The following CHN1 variants were observed in gnomAD, a reference collection of about 807,000 sequenced individuals.
CHN1 encodes the protein N-chimaerin.
A neutral mutation model predicts 59.5 loss-of-function variants in CHN1; 37 were observed. The observed-to-expected ratio is 0.62, with a 90% confidence interval of 0.48 to 0.82. CHN1 has a LOEUF of 0.82. Among genes scored for constraint, CHN1 ranks in the 40% least tolerant of loss-of-function variants. The pLI, the probability that CHN1 is intolerant of heterozygous loss-of-function variation, is 0.00. For synonymous variants in CHN1, 206 were observed against 200.4 expected (o/e 1.03, Z -0.24); for missense variants, 469 against 571.0 (o/e 0.82, Z 1.82).
chr2:174,891,840 AGTT>A (rs1688063173), intron 5 of CHN1, among the ~76,000 whole-genome samples: 1 of 152,138 alleles, frequency 6.6e-6, no homozygotes, highest in African/African-American at 2.4e-5. Context: ...ACTATGAGTT[AGTT>A]TTTTAAAAAG....
chr2:174,883,817 T>C (rs948968183), intron 5 of CHN1, among the ~76,000 whole-genome samples: 1 of 150,802 alleles, frequency 6.6e-6, no homozygotes, highest in African/African-American at 2.4e-5. Context: ...ATATAGAATA[T>C]ATAGAAAAAT....
chr2:174,839,913 T>C (rs1333188386), intron 7 of CHN1, among the ~76,000 whole-genome samples: 2 of 151,986 alleles, frequency 1.3e-5, no homozygotes, highest in African/African-American at 4.8e-5. Context: ...CTTACTTAAA[T>C]ATTTAAGAGG....
chr2:174,828,997 A>G (rs1685783519), intron 7 of CHN1, among the ~76,000 whole-genome samples: 2 of 152,188 alleles, frequency 1.3e-5, no homozygotes, highest in African/African-American at 4.8e-5. Flanking sequence ...TGGGCCACAG[A>G]TATTTTTTCT....
At chr2:174,896,678 A>G (rs1035212915) in intron 5 of CHN1, among the ~76,000 whole-genome samples, 2 of 152,110 alleles carry the variant, frequency 1.3e-5, no homozygotes, top group Non-Finnish European at 2.9e-5. Flanking sequence ...CATTTTGTAT[A>G]TATCATATTC....
At chr2:174,989,313 T>G (rs1016143196) in intron 1 of CHN1, among the ~76,000 whole-genome samples, 1 of 151,518 alleles carries the variant, frequency 6.6e-6, no homozygotes, top group African/African-American at 2.4e-5. Context: ...AAGGCGGAGG[T>G]TGCAGTGAGC....
chr2:174,946,491 G>A (rs1005634046), intron 2 of CHN1, among the ~76,000 whole-genome samples: 9 of 151,980 alleles, frequency 5.9e-5, no homozygotes, highest in African/African-American at 2.2e-4. Flanking sequence ...TTTTTCTCCT[G>A]ATGGCAAAAA....
At chr2:174,875,905 T>A (rs1005659016) in intron 6 of CHN1, 19 of 814,838 alleles carry the variant, frequency 2.3e-5, no homozygotes, top group Non-Finnish European at 2.8e-5. Context: ...GAGTAGATTT[T>A]AAGCCAGCTA....
At chr2:174,834,348 T>C (rs1685994579) in intron 7 of CHN1, among the ~76,000 whole-genome samples, 1 of 152,232 alleles carries the variant, frequency 6.6e-6, no homozygotes, top group Admixed American at 6.5e-5. Context: ...TGCTTACTAT[T>C]ACTTCTAGTG....
At position 174,867,365 on chromosome 2, in the gene CHN1, C is replaced by T. The variant is rs1014659145; in HGVS notation, c.549+10475G>A. ...CTGCACTCCCGCACAGGTGACAGAG[C>T]GAGACTCTGTCTCAAAAAAAAAAAA... is the stretch of plus-strand genomic sequence containing the variant. On this transcript the variant is annotated intron_variant, in intron 6 of 12. Coordinates refer to ENST00000409900, the MANE Select transcript of CHN1 (RefSeq NM_001822.7). Among the ~76,000 whole-genome samples the T allele has an allele frequency of 2.8e-4, 41 of 148,508 alleles. 2 individuals carry two copies. Among genetic ancestry groups the T allele is most frequent in the African/African-American group, 1.2e-4 (5 of 40,072 alleles).
At chr2:174,811,868 C>A (rs780205114) in intron 9 of CHN1, among the ~76,000 whole-genome samples, 2 of 152,240 alleles carry the variant, frequency 1.3e-5, no homozygotes, top group South Asian at 2.1e-4. Context: ...ATCATAAATT[C>A]TTTTACATAA....
At chr2:174,965,830 C>T (rs185562258) in intron 1 of CHN1, among the ~76,000 whole-genome samples, 9 of 152,256 alleles carry the variant, frequency 5.9e-5, no homozygotes, top group Admixed American at 2.0e-4. Flanking sequence ...TAATGACATG[C>T]TTAAACTCTT....
intron 2 of CHN1, among the ~76,000 whole-genome samples, chr2:174,949,147 T>C (rs748988817): frequency 6.6e-6 from 1 of 152,166 alleles, no homozygotes; most frequent in Non-Finnish European, 1.5e-5. Flanking sequence ...GTACAATTAA[T>C]AAACATCTTA....
chr2:174,854,130 C>T (rs1299553881), intron 6 of CHN1, among the ~76,000 whole-genome samples: 3 of 152,038 alleles, frequency 2.0e-5, no homozygotes, highest in African/African-American at 7.2e-5. Context: ...ATTTTCATAG[C>T]AGATCTTTGC....
At position 174,799,908 on chromosome 2, in the gene CHN1, C is replaced by T. The variant is rs1458410222; in HGVS notation, c.*208G>A. The T allele has an allele frequency of 3.0e-6, 2 of 658,954 alleles. No homozygotes were observed. Among genetic ancestry groups the T allele is most frequent in the Admixed American group, 2.1e-5 (1 of 48,602 alleles). 40.8% of individuals were successfully genotyped at this position (658,954 alleles called of 1,614,324 possible). On this transcript the variant is annotated 3_prime_UTR_variant, in exon 13 of 13. Coordinates refer to ENST00000409900, the MANE Select transcript of CHN1 (RefSeq NM_001822.7). ...GAGTTTCTCTGAACGTGATAAACAC[C>T]CAGGATTACTAGAACCAGAAAGCGT...
chr2:174,911,536 T>C (rs1048517074), intron 5 of CHN1, among the ~76,000 whole-genome samples: 1 of 152,116 alleles, frequency 6.6e-6, no homozygotes, highest in Non-Finnish European at 1.5e-5. Flanking sequence ...GGAGCATAGG[T>C]AGAAAAGCCA....
chr2:174,848,615 G>A (rs1189503029), intron 6 of CHN1, among the ~76,000 whole-genome samples: 1 of 152,084 alleles, frequency 6.6e-6, no homozygotes, highest in African/African-American at 2.4e-5. Context: ...TAATCTACAG[G>A]AGGTATGTGC....
At chr2:174,973,174 C>T (rs545280631) in intron 1 of CHN1, among the ~76,000 whole-genome samples, 1 of 152,294 alleles carries the variant, frequency 6.6e-6, no homozygotes, top group Admixed American at 6.5e-5. Flanking sequence ...CTGGTATCTT[C>T]CACAGTTGAA....
At chr2:174,937,805 C>T (rs749038486) in intron 3 of CHN1, among the ~76,000 whole-genome samples, 1 of 152,160 alleles carries the variant, frequency 6.6e-6, no homozygotes, top group South Asian at 2.1e-4. Flanking sequence ...TTCTTGCTCC[C>T]TCAGTTACCA....
intron 5 of CHN1, among the ~76,000 whole-genome samples, chr2:174,896,942 C>T (rs1241857326): frequency 6.6e-6 from 1 of 152,000 alleles, no homozygotes; most frequent in Non-Finnish European, 1.5e-5. Flanking sequence ...TATATCAACA[C>T]TCAAATCATA....
Sources: gnomAD v4.1 joint callset for allele counts (sites outside exome capture counted in the v4.1 genomes callset) on GRCh38, gnomAD v4.1.1 for gene constraint, MANE v1.5 for transcripts, NCBI Gene and HGNC (gene_info 2026-07-23, HGNC 2026-07-21) for gene names.